MARCHF1: variants seen among roughly 807,000 people sequenced by gnomAD.
MARCHF1 encodes membrane associated ring-CH-type finger 1, also known as E3 ubiquitin-protein ligase MARCHF1.
MARCHF1 carries 40 observed loss-of-function variants against 54.2 expected under a neutral mutation model. The ratio of observed to expected loss-of-function variants is 0.74; its 90% CI spans 0.57 to 0.96. The LOEUF (loss-of-function observed/expected upper bound fraction) is 0.96, where lower values mean the gene tolerates loss of function less well. Among genes scored for constraint, MARCHF1 ranks in the 40% least tolerant of loss-of-function variants. The pLI is 0.00. For synonymous variants in MARCHF1, 236 were observed against 236.3 expected, an observed-to-expected ratio of 1.00 and a Z score of 0.01; for missense variants, 586 against 656.5, an observed-to-expected ratio of 0.89 and a Z score of 1.17.
At chr4:164,208,171 GA>G (rs2111109285) in intron 1 of MARCHF1, among the ~76,000 whole-genome samples, 1 of 152,288 alleles carries the variant, frequency 6.6e-6, no homozygotes, top group South Asian at 2.1e-4. Context: ...GGAAGCTTGA[GA>G]AGGGACTGGA....
intron 3 of MARCHF1, among the ~76,000 whole-genome samples, chr4:163,906,702 C>T (rs1751075004): frequency 6.6e-6 from 1 of 151,098 alleles, no homozygotes; most frequent in Non-Finnish European, 1.5e-5. Context: ...TCTCAAAGTC[C>T]TATGAAAGTC....
intron 7 of MARCHF1, among the ~76,000 whole-genome samples, chr4:163,611,867 C>T (rs1461419399): frequency 6.6e-6 from 1 of 152,058 alleles, no homozygotes; most frequent in African/African-American, 2.4e-5. Flanking sequence ...ATACAAAAAT[C>T]TGACCTTAAA....
intron 1 of MARCHF1, among the ~76,000 whole-genome samples, chr4:164,270,380 A>G (rs1414766506): frequency 1.3e-5 from 2 of 152,158 alleles, no homozygotes; most frequent in Non-Finnish European, 2.9e-5. Flanking sequence ...ACCTACTTTA[A>G]GAGTCTTCAT....
intron 4 of MARCHF1, among the ~76,000 whole-genome samples, chr4:163,716,709 A>G (rs1050514401): frequency 6.6e-5 from 10 of 152,138 alleles, no homozygotes; most frequent in African/African-American, 2.2e-4. Context: ...CAGGGTTGGG[A>G]TGCAGCCATG....
At chr4:163,662,022 T>C (rs1374765492) in intron 5 of MARCHF1, among the ~76,000 whole-genome samples, 1 of 152,118 alleles carries the variant, frequency 6.6e-6, no homozygotes, top group African/African-American at 2.4e-5. Flanking sequence ...TCCAGGGTTA[T>C]GAGAAGTTTG....
In MARCHF1 at chr4:163,612,548, G is replaced by C. The variant is rs759956532; in HGVS notation, c.733C>G (p.Pro245Ala). Residue 245 changes from proline (P) to alanine (A), a missense_variant, in exon 7 of 10, where the codon CCT becomes GCT. Physicochemically the swap from Pro to Ala is conservative, Grantham distance 27. Around this residue, in one of 3 missense-constraint regions of MARCHF1, gnomAD observed 387 missense variants for 394.6 expected, o/e 0.98. Coordinates refer to ENST00000514618, the MANE Select transcript of MARCHF1 (RefSeq NM_001394959.1). ...TCAGAGGACCCTTGAGTCAGAGAAG[G>C]GTTGCATTCTTGGTACCTTGTATGT... ...GKHTRYQECN[P>A]SLTQGSSEIK... 1 of 1,535,430 alleles carries C rather than the reference G, an allele frequency of 6.5e-7. No individual in the cohort carries two copies.
intron 1 of MARCHF1, among the ~76,000 whole-genome samples, chr4:164,294,650 T>C (rs931645101): frequency 6.6e-6 from 1 of 152,198 alleles, no homozygotes; most frequent in Admixed American, 6.5e-5. Flanking sequence ...TCAATTAAGA[T>C]ATAAACATTG....
chr4:163,759,419 T>C (rs760537192), intron 4 of MARCHF1, among the ~76,000 whole-genome samples: 21 of 152,194 alleles, frequency 1.4e-4, no homozygotes, highest in Non-Finnish European at 2.2e-4. Context: ...AAGAGCATTT[T>C]AAGGTTAATG....
intron 4 of MARCHF1, among the ~76,000 whole-genome samples, chr4:163,728,222 T>A (rs892623061): frequency 3.3e-5 from 5 of 152,160 alleles, no homozygotes; most frequent in African/African-American, 4.8e-5. Flanking sequence ...ACCCCCTTTT[T>A]TTATTACTGT....
intron 1 of MARCHF1, among the ~76,000 whole-genome samples, chr4:164,184,683 C>G (rs1730921662): frequency 1.3e-5 from 2 of 152,038 alleles, no homozygotes; most frequent in Admixed American, 6.6e-5. Context: ...GTGGTATGGC[C>G]CGTCAAGTAA....
intron 1 of MARCHF1, chr4:164,188,913 C>A: frequency 1.3e-6 from 1 of 769,322 alleles, no homozygotes; most frequent in Non-Finnish European, 2.4e-6. Context: ...TTCAATGATG[C>A]CCAATGCGAA....
At chr4:163,779,922 G>T (rs1747416281) in intron 4 of MARCHF1, among the ~76,000 whole-genome samples, 1 of 152,158 alleles carries the variant, frequency 6.6e-6, no homozygotes, top group Non-Finnish European at 1.5e-5. Context: ...ACTTTGTGTT[G>T]TTGGCATAAA....
At chr4:164,299,271 C>T (rs1399748480) in intron 1 of MARCHF1, among the ~76,000 whole-genome samples, 1 of 151,936 alleles carries the variant, frequency 6.6e-6, no homozygotes, top group East Asian at 1.9e-4. Flanking sequence ...TAAATGTCCA[C>T]AATAATTTGT....
chr4:163,797,513 A>G (rs908898200), intron 4 of MARCHF1, among the ~76,000 whole-genome samples: 1 of 151,916 alleles, frequency 6.6e-6, no homozygotes, highest in African/African-American at 2.4e-5. Flanking sequence ...CTCAGGATAG[A>G]TTGGTATATA....
intron 5 of MARCHF1, among the ~76,000 whole-genome samples, chr4:163,673,008 AT>A (rs1325425127): frequency 9.9e-5 from 15 of 152,086 alleles, no homozygotes; most frequent in Non-Finnish European, 2.1e-4. Context: ...ATCCAGGACA[AT>A]CTTCTCATCT....
intron 7 of MARCHF1, among the ~76,000 whole-genome samples, chr4:163,599,297 T>TTATATATATATATATATATGTATATA (rs150458467): frequency 4.8e-5 from 7 of 146,702 alleles, no homozygotes; most frequent in African/African-American, 1.8e-4. Flanking sequence ...CTCAAAAAAA[T>TTATATATATATATATATATGTATATA]TATATATATA....
intron 3 of MARCHF1, among the ~76,000 whole-genome samples, chr4:163,927,446 A>G (rs939522969): frequency 6.6e-6 from 1 of 151,808 alleles, no homozygotes; most frequent in African/African-American, 2.4e-5. Context: ...CATGTGAGGA[A>G]AAAAGGGGGA....
chr4:163,899,437 C>G (rs536505850), intron 3 of MARCHF1, among the ~76,000 whole-genome samples: 3 of 151,828 alleles, frequency 2.0e-5, no homozygotes, highest in Non-Finnish European at 2.9e-5. Context: ...ACACAGTATG[C>G]TCCTCCTTTC....
intron 5 of MARCHF1, among the ~76,000 whole-genome samples, chr4:163,635,405 A>T (rs1201219167): frequency 6.6e-6 from 1 of 151,254 alleles, no homozygotes; most frequent in Non-Finnish European, 1.5e-5. Flanking sequence ...AAAATGATAA[A>T]GGGGATATCA....
Sources: allele counts gnomAD v4.1 joint callset (sites outside exome capture counted in the v4.1 genomes callset), GRCh38; gene constraint gnomAD v4.1.1; regional missense constraint gnomAD v4.1.1; transcripts MANE v1.5; gene names NCBI Gene and HGNC (gene_info 2026-07-23, HGNC 2026-07-21).